Variants in SAMD12 observed in about 807,000 individuals in gnomAD.
SAMD12 encodes sterile alpha motif domain-containing protein 12.
In SAMD12, 9 loss-of-function variants were observed where a neutral mutation model predicts 15.0. That is an observed-to-expected ratio of 0.60 (90% CI 0.36 to 1.05). The LOEUF (loss-of-function observed/expected upper bound fraction) is 1.05. SAMD12 is among the 50% of genes least tolerant of loss of function. The pLI, the probability that SAMD12 is intolerant of heterozygous loss-of-function variation, is 0.01. For missense variants in SAMD12, 230 were observed against 234.2 expected (o/e 0.98, Z 0.12); for synonymous variants, 86 against 90.1 (o/e 0.96, Z 0.25).
intron 3 of SAMD12, among the ~76,000 whole-genome samples, chr8:118,438,954 G>A (rs1286847578): frequency 6.6e-6 from 1 of 152,128 alleles, no homozygotes; most frequent in Admixed American, 6.5e-5. Flanking sequence ...CACTGTTTGT[G>A]CAGGGAAAAG....
chr8:118,414,115 A>G (rs1821562349), intron 3 of SAMD12, among the ~76,000 whole-genome samples: 1 of 152,248 alleles, frequency 6.6e-6, no homozygotes, highest in Non-Finnish European at 1.5e-5. Flanking sequence ...AATATTTACC[A>G]GGTGTTTGGT....
intron 4 of SAMD12, among the ~76,000 whole-genome samples, chr8:118,372,366 C>G (rs1199041077): frequency 6.6e-6 from 1 of 151,204 alleles, no homozygotes; most frequent in Non-Finnish European, 1.5e-5. Flanking sequence ...ATTGGGGCCC[C>G]TAATGATACT....
chr8:118,466,201 A>G (rs1460658590), intron 2 of SAMD12, among the ~76,000 whole-genome samples: 1 of 152,222 alleles, frequency 6.6e-6, no homozygotes, highest in East Asian at 1.9e-4. Context: ...AGGCAGGTCC[A>G]ATAGCCTATA....
In SAMD12 at chr8:118,439,359, C is replaced by T. The variant is rs571377383; in HGVS notation, c.322+473G>A. Among the ~76,000 whole-genome samples, 6 of 152,226 alleles carry T rather than the reference C, an allele frequency of 3.9e-5. No individual in the cohort carries two copies. In the East Asian group the frequency reaches 5.8e-4, roughly 15 times the overall value. On this transcript the variant is annotated intron_variant, in intron 3 of 3. Coordinates refer to ENST00000314727, the MANE Select transcript of SAMD12 (RefSeq NM_207506.3). ...CAGAGGACAGGAGTGTCAGGAAAAC[C>T]GACTTTCCACCATGGACTCTTTCAC...
At chr8:118,561,069 T>C (rs1826686198) in intron 2 of SAMD12, among the ~76,000 whole-genome samples, 1 of 152,230 alleles carries the variant, frequency 6.6e-6, no homozygotes, top group South Asian at 2.1e-4. Context: ...AATTTTAATG[T>C]TTCAAATTTT....
exon 5 of SAMD12, chr8:118,192,664 C>T (rs1243387608): frequency 1.3e-5 from 2 of 151,906 alleles, no homozygotes; most frequent in African/African-American, 2.4e-5. Flanking sequence ...ACCATTGGCT[C>T]CAATTTATGA....
intron 4 of SAMD12, among the ~76,000 whole-genome samples, chr8:118,320,149 C>A (rs1027003549): frequency 8.5e-5 from 13 of 152,070 alleles, no homozygotes; most frequent in African/African-American, 3.1e-4. Context: ...CTACAGATGT[C>A]ATGGAAAGGA....
At chr8:118,505,367 A>G (rs573350388) in intron 2 of SAMD12, among the ~76,000 whole-genome samples, 1 of 144,688 alleles carries the variant, frequency 6.9e-6, no homozygotes, top group Non-Finnish European at 1.5e-5. Flanking sequence ...TTTTCAGGGC[A>G]GTATCATGGA....
At chr8:118,445,458 T>C (rs976284496) in intron 2 of SAMD12, among the ~76,000 whole-genome samples, 1 of 152,154 alleles carries the variant, frequency 6.6e-6, no homozygotes, top group South Asian at 2.1e-4. Context: ...GACCTAAATA[T>C]TTTATGACAG....
At chr8:118,617,842 A>G (rs547289532) in intron 1 of SAMD12, among the ~76,000 whole-genome samples, 4 of 152,280 alleles carry the variant, frequency 2.6e-5, no homozygotes, top group African/African-American at 7.2e-5. Context: ...ACTGTCCCCA[A>G]TGAATCCACA....
At chr8:118,550,996 G>A (rs1259847051) in intron 2 of SAMD12, among the ~76,000 whole-genome samples, 1 of 151,860 alleles carries the variant, frequency 6.6e-6, no homozygotes, top group Non-Finnish European at 1.5e-5. Flanking sequence ...AAATATATAT[G>A]CACCCAATAC....
At chr8:118,498,228 G>T (rs1824681682) in intron 2 of SAMD12, among the ~76,000 whole-genome samples, 2 of 152,136 alleles carry the variant, frequency 1.3e-5, no homozygotes, top group South Asian at 4.1e-4. Context: ...TGACCGCCAA[G>T]TCACAGGAAC....
intron 4 of SAMD12, among the ~76,000 whole-genome samples, chr8:118,368,512 C>G (rs750072841): frequency 6.7e-6 from 1 of 148,742 alleles, no homozygotes; most frequent in Non-Finnish European, 1.5e-5. Context: ...GTTTAAGAGC[C>G]CTTGCCATTG....
At chr8:118,448,024 A>T (rs1309774047) in intron 2 of SAMD12, among the ~76,000 whole-genome samples, 2 of 152,118 alleles carry the variant, frequency 1.3e-5, no homozygotes, top group African/African-American at 4.8e-5. Flanking sequence ...CACCGCGCCC[A>T]GCCTCTTTGA....
chr8:118,413,337 CTG>C (rs553422931), intron 3 of SAMD12, among the ~76,000 whole-genome samples: 9 of 152,180 alleles, frequency 5.9e-5, no homozygotes, highest in Non-Finnish European at 1.2e-4. Context: ...CATAAAAACA[CTG>C]TGTTTCTAAT....
At chr8:118,459,356 A>G (rs530252356) in intron 2 of SAMD12, among the ~76,000 whole-genome samples, 2 of 152,110 alleles carry the variant, frequency 1.3e-5, no homozygotes, top group Admixed American at 6.5e-5. Flanking sequence ...GTGAGCCACC[A>G]CACCTGGTCT....
intron 3 of SAMD12, among the ~76,000 whole-genome samples, chr8:118,437,306 GA>G (rs1186583855): frequency 1.3e-5 from 2 of 152,174 alleles, no homozygotes; most frequent in African/African-American, 2.4e-5. Context: ...TCAAATAGGT[GA>G]ATGTCAAAAA....
chr8:118,568,771 C>T (rs1458615114), intron 2 of SAMD12, among the ~76,000 whole-genome samples: 1 of 152,134 alleles, frequency 6.6e-6, no homozygotes, highest in African/African-American at 2.4e-5. Flanking sequence ...GGGGGAATAT[C>T]ACCATTAACA....
At chr8:118,300,373 A>G (rs1475294121) in intron 4 of SAMD12, among the ~76,000 whole-genome samples, 1 of 152,096 alleles carries the variant, frequency 6.6e-6, no homozygotes, top group Non-Finnish European at 1.5e-5. Flanking sequence ...TGTGAAATCC[A>G]CTTAAGACAT....
Sources: allele counts gnomAD v4.1 joint callset (sites outside exome capture counted in the v4.1 genomes callset), GRCh38; gene constraint gnomAD v4.1.1; transcripts MANE v1.5; gene names NCBI Gene and HGNC (gene_info 2026-07-23, HGNC 2026-07-21).